Variants in KPNA4 observed in about 807,000 individuals in gnomAD.
KPNA4 encodes the protein karyopherin subunit alpha 4.
KPNA4 carries 13 observed loss-of-function variants against 71.3 expected under a neutral mutation model. That is an observed-to-expected ratio of 0.18 (90% CI 0.12 to 0.29). KPNA4 has a LOEUF of 0.29. Ranked by LOEUF, KPNA4 falls within the 10% of genes least tolerant of loss-of-function variation. KPNA4 has a pLI of 1.00. For missense variants in KPNA4, 334 were observed against 603.2 expected (o/e 0.55, Z 4.67); for synonymous variants, 189 against 195.2 (o/e 0.97, Z 0.26).
chr3:160,508,951 G>C lies in KPNA4; in HGVS notation c.1210-682C>G, dbSNP rs551053147. On this transcript the variant is annotated intron_variant, in intron 14 of 16. Coordinates refer to ENST00000334256, the MANE Select transcript of KPNA4 (RefSeq NM_002268.5). ...TTCCAATGATTTCAGTATTTCATTA[G>C]TTATAATTTCCATGCATTATATTAA... Among the ~76,000 whole-genome samples the C allele has an allele frequency of 1.8e-4, 27 of 152,212 alleles. No homozygotes were observed. The South Asian group carries it at 5.2e-3, about 29-fold the overall frequency.
At chr3:160,528,366 CT>C (rs529797653) in intron 7 of KPNA4, among the ~76,000 whole-genome samples, 1 of 151,124 alleles carries the variant, frequency 6.6e-6, no homozygotes, top group African/African-American at 2.4e-5. Flanking sequence ...ATTGAAGTAA[CT>C]TTTTTTTTGT....
At chr3:160,545,570 T>G (rs1721886956) in intron 1 of KPNA4, among the ~76,000 whole-genome samples, 1 of 152,130 alleles carries the variant, frequency 6.6e-6, no homozygotes, top group African/African-American at 2.4e-5. Context: ...ATAGCTGACA[T>G]GCAATGAACA....
At chr3:160,519,459 T>C (rs1005013175) in intron 11 of KPNA4, among the ~76,000 whole-genome samples, 19 of 152,072 alleles carry the variant, frequency 1.2e-4, no homozygotes, top group Non-Finnish European at 2.2e-4. Flanking sequence ...TATTTAACAT[T>C]AAGGTTTTAA....
chr3:160,556,806 G>A (rs1267171309), intron 1 of KPNA4, among the ~76,000 whole-genome samples: 1 of 152,124 alleles, frequency 6.6e-6, no homozygotes, highest in Non-Finnish European at 1.5e-5. Context: ...ACAACATTAA[G>A]AGAAAAAACG....
intron 10 of KPNA4, among the ~76,000 whole-genome samples, chr3:160,524,283 T>C (rs1721419550): frequency 6.6e-6 from 1 of 152,182 alleles, no homozygotes; most frequent in Non-Finnish European, 1.5e-5. Flanking sequence ...GATGTCTTGT[T>C]TTCTAGTAGA....
intron 5 of KPNA4, among the ~76,000 whole-genome samples, chr3:160,534,659 G>C (rs542935775): frequency 7.2e-6 from 1 of 138,100 alleles, no homozygotes; most frequent in South Asian, 2.3e-4. Context: ...AGAGGTTGCA[G>C]TGAGCTGAGA....
rs1002011784 is a variant in KPNA4 at position 160,497,997 on chromosome 3, G to A, written c.*4107C>T. 1.3e-5 allele frequency: 2 copies of A among 151,688 alleles called. No homozygotes were observed. Among genetic ancestry groups the A allele is most frequent in the African/African-American group, 4.8e-5 (2 of 41,326 alleles). The allele number at this position is 151,688 out of a possible 1,614,324, so 9.4% of individuals were successfully genotyped here. Reference sequence around the variant, plus strand: ...CAAAAAGCTACATTCACATTTTTTTGCATTGGTTCACAAATTTAAATGAAT... The same window carrying A: ...CAAAAAGCTACATTCACATTTTTTTACATTGGTTCACAAATTTAAATGAAT... On this transcript the variant is annotated 3_prime_UTR_variant, in exon 17 of 17. Transcript: ENST00000334256.
intron 1 of KPNA4, among the ~76,000 whole-genome samples, chr3:160,559,587 CAT>C (rs1722204162): frequency 6.6e-6 from 1 of 152,150 alleles, no homozygotes; most frequent in African/African-American, 2.4e-5. Context: ...AAAGTTCACT[CAT>C]GTGGCTTCAG....
chr3:160,541,644 T>C (rs1721798767), intron 1 of KPNA4, among the ~76,000 whole-genome samples: 2 of 98,134 alleles, frequency 2.0e-5, no homozygotes, highest in Non-Finnish European at 2.1e-5. Flanking sequence ...AAAAGTTATA[T>C]ACGCGCACAC....
At chr3:160,508,839 A>C (rs1721039292) in intron 14 of KPNA4, among the ~76,000 whole-genome samples, 1 of 152,130 alleles carries the variant, frequency 6.6e-6, no homozygotes, top group South Asian at 2.1e-4. Flanking sequence ...GTTTCAAAAA[A>C]CTACAATGGC....
At chr3:160,564,826 G>T (rs1722306845) in intron 1 of KPNA4, among the ~76,000 whole-genome samples, 2 of 151,434 alleles carry the variant, frequency 1.3e-5, no homozygotes, top group Non-Finnish European at 3.0e-5. Context: ...GTGCCCGAGC[G>T]AGAGCCGGAA....
At chr3:160,524,106 T>C (rs1721414704) in intron 10 of KPNA4, among the ~76,000 whole-genome samples, 1 of 152,204 alleles carries the variant, frequency 6.6e-6, no homozygotes, top group African/African-American at 2.4e-5. Flanking sequence ...ACACATTATT[T>C]AGTAAGCAAT....
intron 1 of KPNA4, among the ~76,000 whole-genome samples, chr3:160,538,550 T>C (rs1721734989): frequency 6.6e-6 from 1 of 152,110 alleles, no homozygotes; most frequent in Non-Finnish European, 1.5e-5. Context: ...AAGGAATCAG[T>C]AAAAAATATT....
At position 160,495,916 on chromosome 3, in the gene KPNA4, C is replaced by CCT. The variant is rs1175827905; in HGVS notation, c.*6187_*6188insAG. 3 of 133,236 alleles carry CCT rather than the reference C, an allele frequency of 2.3e-5. No homozygotes were observed. The highest frequency in any genetic ancestry group is 8.3e-5 in the African/African-American group (3 of 36,046). 8.3% of individuals were successfully genotyped at this position (133,236 alleles called of 1,614,324 possible). ...ACAATTATGAATCAAAAGATGGAGT[C>CCT]TTTTTTTTTTTTTTTTTAAGGTAAA... is the stretch of plus-strand genomic sequence containing the variant. On this transcript the variant is annotated 3_prime_UTR_variant, in exon 17 of 17. Coordinates refer to ENST00000334256, the MANE Select transcript of KPNA4 (RefSeq NM_002268.5).
chr3:160,522,017 TTC>T, intron 10 of KPNA4, 107 bp from the exon 11 acceptor site: 1 of 885,478 alleles, frequency 1.1e-6, no homozygotes, highest in South Asian at 1.8e-5. Context: ...CTTCCTTCTT[TTC>T]TTCTCTCAGT....
At chr3:160,534,788 T>C (rs943266748) in intron 5 of KPNA4, among the ~76,000 whole-genome samples, 6 of 150,202 alleles carry the variant, frequency 4.0e-5, no homozygotes, top group African/African-American at 1.5e-4. Flanking sequence ...TGGGAGTGTA[T>C]GCAGTCATTA....
chr3:160,550,403 G>C (rs1226848894), intron 1 of KPNA4, among the ~76,000 whole-genome samples: 1 of 152,144 alleles, frequency 6.6e-6, no homozygotes, highest in Non-Finnish European at 1.5e-5. Context: ...GACTCCATGT[G>C]CATGCCTGCA....
chr3:160,522,526 C>T (rs1207145830), intron 10 of KPNA4, among the ~76,000 whole-genome samples: 4 of 151,992 alleles, frequency 2.6e-5, no homozygotes, highest in East Asian at 1.9e-4. Flanking sequence ...AGCGCGATCT[C>T]GGTTCACTGC....
chr3:160,511,365 A>G (rs1721090782), intron 13 of KPNA4, among the ~76,000 whole-genome samples: 1 of 151,140 alleles, frequency 6.6e-6, no homozygotes, highest in South Asian at 2.1e-4. Context: ...TCAGCCTCCC[A>G]AAGTGCTGGG....
Sources: allele counts gnomAD v4.1 joint callset (sites outside exome capture counted in the v4.1 genomes callset), GRCh38; gene constraint gnomAD v4.1.1; transcripts MANE v1.5; gene names NCBI Gene and HGNC (gene_info 2026-07-23, HGNC 2026-07-21).